Variants in TSPAN18 observed in about 807,000 individuals in gnomAD.
TSPAN18 encodes the protein tetraspanin 18, also known as tetraspanin-18.
A neutral mutation model predicts 27.3 loss-of-function variants in TSPAN18; 14 were observed. The ratio of observed to expected loss-of-function variants is 0.51; its 90% CI spans 0.34 to 0.80. The LOEUF is 0.80. TSPAN18 is among the 30% of genes least tolerant of loss of function. The pLI is 0.01. For missense variants in TSPAN18, 268 were observed against 323.9 expected (o/e 0.83, Z 1.32); for synonymous variants, 143 against 136.5 (o/e 1.05, Z -0.33).
At chr11:44,908,009 C>T (rs844353) in intron 4 of TSPAN18, among the ~76,000 whole-genome samples, 38 of 149,878 alleles carry the variant, frequency 2.5e-4, no homozygotes, top group African/African-American at 8.9e-4. Context: ...GAGCCGAGAT[C>T]GTGCCACTGC....
rs372676543 is a variant in TSPAN18 at position 44,900,235 on chromosome 11, TCTCTAGGCTTCAGCCTGGC to T, written c.-10-6171_-10-6153del. Among the ~76,000 whole-genome samples the T allele has an allele frequency of 5.3e-5, 8 of 152,302 alleles. No individual in the cohort carries two copies. In the East Asian group the frequency reaches 1.5e-3, roughly 29 times the overall value. On this transcript the variant is annotated intron_variant, in intron 3 of 9. Transcript: ENST00000520358. The stretch of plus-strand genomic sequence containing the variant: ...AGGGGATGGAGCAGGCAAGCCCTGG[TCTCTAGGCTTCAGCCTGGC>T]GGTGGGTGATGGCCTGGGAGGCTGT...
intron 1 of TSPAN18, 51 bp from the exon 2 acceptor site, chr11:44,764,375 C>T (rs952657370): frequency 1.7e-4 from 26 of 152,122 alleles, no homozygotes; most frequent in African/African-American, 5.3e-4. Flanking sequence ...TGAGGTGGTC[C>T]CCAAGGACTC....
At chr11:44,894,649 G>A (rs927757644) in intron 3 of TSPAN18, among the ~76,000 whole-genome samples, 3 of 152,256 alleles carry the variant, frequency 2.0e-5, no homozygotes, top group African/African-American at 7.2e-5. Flanking sequence ...AAAGCCCCGA[G>A]GCACTGCGTG....
At position 44,745,196 on chromosome 11, in the gene TSPAN18, T is replaced by C. The variant is rs563035664; in HGVS notation, c.-240+17909T>C. 4.6e-5 allele frequency among the ~76,000 whole-genome samples: 7 copies of C among 152,324 alleles called. 1 individual carries two copies. Among genetic ancestry groups the C allele is most frequent in the East Asian group, 1.9e-4 (1 of 5,188 alleles). ...CATCTTTCTTCTTCAGGAAGTCTGGTTGGTACTGTACAGTTGAGCTAGTGC... is the reference window on the plus strand; with the variant it reads ...CATCTTTCTTCTTCAGGAAGTCTGGCTGGTACTGTACAGTTGAGCTAGTGC... On this transcript the variant is annotated intron_variant, in intron 1 of 9. Coordinates refer to ENST00000520358, the MANE Select transcript of TSPAN18 (RefSeq NM_130783.5).
At chr11:44,892,771 C>A (rs906139729) in intron 3 of TSPAN18, among the ~76,000 whole-genome samples, 2 of 152,184 alleles carry the variant, frequency 1.3e-5, no homozygotes, top group Non-Finnish European at 2.9e-5. Flanking sequence ...GAGCCAGGAA[C>A]CTTATTTTGT....
intron 2 of TSPAN18, among the ~76,000 whole-genome samples, chr11:44,777,465 C>T (rs2134937639): frequency 6.6e-6 from 1 of 152,298 alleles, no homozygotes; most frequent in South Asian, 2.1e-4. Context: ...CTCCAGCTCA[C>T]CCACTTCCCA....
At chr11:44,897,944 C>CTTT in intron 3 of TSPAN18, 1 of 1,061,488 alleles carries the variant, frequency 9.4e-7, no homozygotes, top group Non-Finnish European at 1.3e-6. Context: ...GTGTCTCCTT[C>CTTT]GGTCTTTCCC....
intron 8 of TSPAN18, among the ~76,000 whole-genome samples, chr11:44,925,396 G>T (rs1287703138): frequency 6.6e-6 from 1 of 152,140 alleles, no homozygotes; most frequent in African/African-American, 2.4e-5. Context: ...TTCTATCTGG[G>T]TATGTCCTGT....
chr11:44,850,679 G>A (rs1857579243), intron 2 of TSPAN18, among the ~76,000 whole-genome samples: 1 of 152,104 alleles, frequency 6.6e-6, no homozygotes, highest in African/African-American at 2.4e-5. Context: ...AGATGAGAAG[G>A]CAGAGGTTCA....
intron 3 of TSPAN18, among the ~76,000 whole-genome samples, chr11:44,876,570 C>T (rs551633546): frequency 1.1e-3 from 166 of 152,190 alleles, no homozygotes; most frequent in African/African-American, 3.9e-3. Context: ...TCCAGGCTGA[C>T]CAAGGAAGAA....
intron 1 of TSPAN18, among the ~76,000 whole-genome samples, chr11:44,739,805 A>G (rs537026490): frequency 3.1e-4 from 47 of 152,032 alleles, no homozygotes; most frequent in African/African-American, 1.1e-3. Context: ...GGGTTTTTCC[A>G]GCCTGCCTTC....
chr11:44,824,618 C>A (rs1856995567), intron 2 of TSPAN18, among the ~76,000 whole-genome samples: 1 of 152,232 alleles, frequency 6.6e-6, no homozygotes, highest in African/African-American at 2.4e-5. Context: ...AAGGAGAAAG[C>A]AGGGAGATAA....
Position 44,856,551 on chromosome 11 carries a change from C to A in TSPAN18, c.-152-3777C>A, listed in dbSNP as rs192780265. 3.3e-5 allele frequency among the ~76,000 whole-genome samples: 5 copies of A among 152,318 alleles called. No individual in the cohort carries two copies. The East Asian group carries it at 9.7e-4, about 29-fold the overall frequency. On this transcript the variant is annotated intron_variant, in intron 2 of 9. Transcript: ENST00000520358. ...AATGATATGAGGAACCCCTCCTTAG[C>A]CACCTGGAACTACAGAGCCATAGGC...
intron 2 of TSPAN18, among the ~76,000 whole-genome samples, chr11:44,848,014 T>C (rs1857520331): frequency 6.6e-6 from 1 of 152,102 alleles, no homozygotes; most frequent in African/African-American, 2.4e-5. Context: ...TTAGTATTTT[T>C]AGTAGAGATA....
At chr11:44,878,507 G>C (rs1858402167) in intron 3 of TSPAN18, among the ~76,000 whole-genome samples, 1 of 152,152 alleles carries the variant, frequency 6.6e-6, no homozygotes. Flanking sequence ...ATGGGCTGTT[G>C]AGCCTGTGCC....
chr11:44,914,253 G>C (rs1460122393), intron 5 of TSPAN18, among the ~76,000 whole-genome samples: 1 of 152,234 alleles, frequency 6.6e-6, no homozygotes, highest in Non-Finnish European at 1.5e-5. Flanking sequence ...CGGAGCCAAG[G>C]AACAGAGAGG....
intron 3 of TSPAN18, among the ~76,000 whole-genome samples, chr11:44,906,013 T>G (rs886131048): frequency 6.6e-6 from 1 of 152,200 alleles, no homozygotes; most frequent in African/African-American, 2.4e-5. Flanking sequence ...AATGGCCAGC[T>G]CACACCTGCA....
chr11:44,829,261 A>G (rs991436562), intron 2 of TSPAN18, among the ~76,000 whole-genome samples: 1 of 152,160 alleles, frequency 6.6e-6, no homozygotes, highest in Non-Finnish European at 1.5e-5. Context: ...ATACCTGTAT[A>G]ATGACATGTG....
chr11:44,831,635 T>C (rs1368600269), intron 2 of TSPAN18, among the ~76,000 whole-genome samples: 1 of 152,214 alleles, frequency 6.6e-6, no homozygotes, highest in Non-Finnish European at 1.5e-5. Context: ...CACTCACTCA[T>C]TCATTTATTC....
Sources: gnomAD v4.1 joint callset for allele counts (sites outside exome capture counted in the v4.1 genomes callset) on GRCh38, gnomAD v4.1.1 for gene constraint, MANE v1.5 for transcripts, NCBI Gene and HGNC (gene_info 2026-07-23, HGNC 2026-07-21) for gene names.